The following CHID1 variants were observed in gnomAD, a reference collection of about 807,000 sequenced individuals.
CHID1 encodes chitinase domain-containing protein 1.
A neutral mutation model predicts 55.4 loss-of-function variants in CHID1; 44 were observed. That is an observed-to-expected ratio of 0.79 (90% CI 0.62 to 1.02). The LOEUF (loss-of-function observed/expected upper bound fraction) is 1.02. CHID1 is among the 50% of genes least tolerant of loss of function. CHID1 has a pLI of 0.00. For synonymous variants in CHID1, 216 were observed against 212.9 expected, an observed-to-expected ratio of 1.01 and a Z score of -0.13; for missense variants, 491 against 515.3, an observed-to-expected ratio of 0.95 and a Z score of 0.46.
intron 10 of CHID1, among the ~76,000 whole-genome samples, chr11:878,306 CG>C (rs1282522922): frequency 2.0e-5 from 3 of 152,116 alleles, no homozygotes; most frequent in African/African-American, 7.2e-5. Flanking sequence ...TCCAGCTACT[CG>C]GGAGGCTGAG....
At position 875,392 on chromosome 11, in the gene CHID1, C is replaced by T. The variant is rs1247111548; in HGVS notation, c.960-4893G>A. Among the ~76,000 whole-genome samples the T allele has an allele frequency of 1.3e-5, 2 of 152,340 alleles. No homozygotes were observed. The highest frequency in any genetic ancestry group is 2.4e-5 in the African/African-American group (1 of 41,572). The stretch of plus-strand genomic sequence containing the variant: ...TCGGGGAGGCGGGCGTGGCTGGGCC[C>T]GCAGGTAATGCCAGCCAGTCCCTGC... On this transcript the variant is annotated intron_variant, in intron 10 of 12. Coordinates refer to ENST00000323578, the MANE Select transcript of CHID1 (RefSeq NM_023947.4). This position sits in a 1 kb window ranked among gnomAD's most constrained non-coding sequence, Gnocchi z 4.7.
At chr11:885,425 C>A (rs931764832) in intron 8 of CHID1, among the ~76,000 whole-genome samples, 1 of 152,218 alleles carries the variant, frequency 6.6e-6, no homozygotes, top group African/African-American at 2.4e-5. Flanking sequence ...CTGTCCACCC[C>A]AGGCTGTCCC....
At chr11:876,645 G>A (rs1041236130) in intron 10 of CHID1, among the ~76,000 whole-genome samples, 1 of 152,204 alleles carries the variant, frequency 6.6e-6, no homozygotes, top group Non-Finnish European at 1.5e-5. Flanking sequence ...GAGTGGGCGT[G>A]CCCTCCCTGC....
At chr11:903,260 G>T in intron 2 of CHID1, 149 bp from the exon 3 acceptor site, 1 of 765,402 alleles carries the variant, frequency 1.3e-6, no homozygotes, top group Non-Finnish European at 2.1e-6. Flanking sequence ...GTATGTTGAG[G>T]ATCGAGGCCA....
intron 4 of CHID1, 128 bp from the exon 5 acceptor site, chr11:901,108 G>C (rs1056611216): frequency 1.3e-6 from 1 of 756,586 alleles, no homozygotes. Flanking sequence ...GCAGGCAGGT[G>C]TGAGAACCCA....
At chr11:870,363 C>G in intron 11 of CHID1, 56 bp downstream of exon 11, 1 of 1,473,832 alleles carries the variant, frequency 6.8e-7, no homozygotes, top group Non-Finnish European at 9.4e-7. Flanking sequence ...TCTCCACCCC[C>G]AGGGCCCCTC....
intron 7 of CHID1, among the ~76,000 whole-genome samples, chr11:894,421 C>A (rs1851105608): frequency 6.6e-6 from 1 of 152,194 alleles, no homozygotes; most frequent in Non-Finnish European, 1.5e-5. Flanking sequence ...GCCGTCAGGA[C>A]CCCAGGCCGG....
chr11:891,661 C>T (rs955894337), intron 8 of CHID1, among the ~76,000 whole-genome samples: 1 of 152,200 alleles, frequency 6.6e-6, no homozygotes, highest in African/African-American at 2.4e-5. Flanking sequence ...ATGCCCATGG[C>T]CTCTGGACAA....
upstream of CHID1, among the ~76,000 whole-genome samples, chr11:912,496 T>C (rs1453248641): frequency 6.6e-6 from 1 of 152,098 alleles, no homozygotes; most frequent in African/African-American, 2.4e-5. Flanking sequence ...CACAAAGCGG[T>C]CCGCTTCCCA....
chr11:914,559 C>T, upstream of CHID1: 5 of 1,289,366 alleles, frequency 3.9e-6, no homozygotes, highest in Non-Finnish European at 5.1e-6. Flanking sequence ...GAGGATGCCT[C>T]TCACAGACAT....
chr11:870,297 G>A (rs1047501554), intron 11 of CHID1, 122 bp downstream of exon 11: 69 of 1,367,814 alleles, frequency 5.0e-5, no homozygotes, highest in Non-Finnish European at 5.7e-5. Flanking sequence ...CTCCAGGGCC[G>A]GGAGCAGCAA....
At chr11:910,170 G>A (rs1278579925) in intron 1 of CHID1, among the ~76,000 whole-genome samples, 2 of 152,142 alleles carry the variant, frequency 1.3e-5, no homozygotes, top group African/African-American at 2.4e-5. Context: ...ACGGGCGGGC[G>A]GGTCACCCTC....
chr11:873,809 T>G (rs1030664247), intron 10 of CHID1, among the ~76,000 whole-genome samples: 2 of 152,050 alleles, frequency 1.3e-5, no homozygotes, highest in Non-Finnish European at 2.9e-5. Context: ...AACGCCACTT[T>G]GAAATGGTGC....
At chr11:886,922 C>T (rs1275067419) in intron 8 of CHID1, among the ~76,000 whole-genome samples, 3 of 152,228 alleles carry the variant, frequency 2.0e-5, no homozygotes, top group African/African-American at 7.2e-5. Flanking sequence ...CATGGTTGAG[C>T]ATCTCCTGGC....
intron 4 of CHID1, among the ~76,000 whole-genome samples, chr11:901,509 T>G (rs1851808341): frequency 6.6e-6 from 1 of 152,124 alleles, no homozygotes; most frequent in Non-Finnish European, 1.5e-5. Flanking sequence ...GCAGACGTCA[T>G]CAGGTCAGGA....
chr11:914,668 A>G, upstream of CHID1: 2 of 733,868 alleles, frequency 2.7e-6, no homozygotes, highest in Admixed American at 2.5e-5. Context: ...GGCTGCAGTG[A>G]GCTGTGATTG....
intron 9 of CHID1, 139 bp downstream of exon 9, chr11:883,929 G>A (rs1850192794): frequency 4.3e-6 from 3 of 690,104 alleles, no homozygotes; most frequent in South Asian, 1.8e-5. Context: ...TCAGGTGGGT[G>A]TCCAGACTCA....
intron 8 of CHID1, among the ~76,000 whole-genome samples, chr11:891,027 CA>C (rs1475678830): frequency 6.6e-6 from 1 of 152,144 alleles, no homozygotes; most frequent in African/African-American, 2.4e-5. Context: ...CGCGCTGCTG[CA>C]AAAGCACCAG....
intron 1 of CHID1, among the ~76,000 whole-genome samples, chr11:906,094 C>T (rs1349959734): frequency 1.3e-5 from 2 of 152,056 alleles, no homozygotes; most frequent in Non-Finnish European, 2.9e-5. Flanking sequence ...ACCACCACAC[C>T]TGGCTAATTT....
Sources: gnomAD v4.1 joint callset for allele counts (sites outside exome capture counted in the v4.1 genomes callset) on GRCh38, gnomAD v4.1.1 for gene constraint, Gnocchi (gnomAD v3.1) non-coding constraint, MANE v1.5 for transcripts, NCBI Gene and HGNC (gene_info 2026-07-23, HGNC 2026-07-21) for gene names.